Variants in COL4A5 observed in about 807,000 individuals in gnomAD.
The protein encoded by COL4A5 is collagen type IV alpha 5 chain, also known as collagen alpha-5(IV) chain.
A neutral mutation model predicts 130.2 loss-of-function variants in COL4A5; 26 were observed. The observed-to-expected ratio is 0.20, with a 90% CI of 0.15 to 0.28. The LOEUF is 0.28. COL4A5 is among the 10% of genes least tolerant of loss of function. The probability of loss-of-function intolerance (pLI) is 1.00; values close to 1 mark genes in which losing one functional copy is unlikely to be tolerated. For missense variants in COL4A5, 1,131 were observed against 1,344.3 expected, an observed-to-expected ratio of 0.84 and a Z score of 2.48; for synonymous variants, 496 against 439.6, an observed-to-expected ratio of 1.13 and a Z score of -1.60.
chrX:108,664,051 G>T (rs1178771025), intron 37 of COL4A5, among the ~76,000 whole-genome samples: 2 of 111,420 alleles, frequency 1.8e-5, no homozygotes, highest in African/African-American at 6.6e-5. Context: ...CGGGCATGGT[G>T]GCATGCACCT....
intron 1 of COL4A5, among the ~76,000 whole-genome samples, chrX:108,457,796 T>G (rs960833457): frequency 8.9e-6 from 1 of 112,107 alleles, no homozygotes; most frequent in Admixed American, 9.5e-5. Flanking sequence ...AATTTTACCT[T>G]TTTTATAAAT....
At chrX:108,489,361 AT>A (rs1204347236) in intron 1 of COL4A5, among the ~76,000 whole-genome samples, 2 of 111,318 alleles carry the variant, frequency 1.8e-5, no homozygotes. Flanking sequence ...GTCATTATTT[AT>A]TTATGTGTCT....
At chrX:108,631,976 T>G (rs1185549761) in intron 36 of COL4A5, among the ~76,000 whole-genome samples, 1 of 110,251 alleles carries the variant, frequency 9.1e-6, no homozygotes, top group East Asian at 2.9e-4. Context: ...ATAACTAAGA[T>G]CAGAGCAGAA....
At chrX:108,611,182 TTAA>T (rs1460518600) in intron 29 of COL4A5, among the ~76,000 whole-genome samples, 2 of 111,072 alleles carry the variant, frequency 1.8e-5, no homozygotes, top group Non-Finnish European at 3.8e-5. Context: ...CAATAATAAA[TTAA>T]TAAGGCTAAT....
chrX:108,581,371 C>A (rs1169778543), intron 16 of COL4A5, among the ~76,000 whole-genome samples: 1 of 111,202 alleles, frequency 9.0e-6, no homozygotes, highest in Non-Finnish European at 1.9e-5. Flanking sequence ...ATTTGAGGTT[C>A]CTCTATTTTT....
intron 1 of COL4A5, among the ~76,000 whole-genome samples, chrX:108,487,101 TC>T (rs1477292499): frequency 8.9e-6 from 1 of 111,993 alleles, no homozygotes. Flanking sequence ...GTAGAAGTGT[TC>T]CCTTTTCAGC....
At chrX:108,614,841 T>G in intron 29 of COL4A5, 70 bp from the exon 30 acceptor site, 23 of 738,905 alleles carry the variant, frequency 3.1e-5, no homozygotes, top group Middle Eastern at 3.0e-4. Flanking sequence ...TTGCTTAATA[T>G]GATATGGTTC....
intron 1 of COL4A5, among the ~76,000 whole-genome samples, chrX:108,465,503 C>A (rs1165868493): frequency 9.0e-6 from 1 of 111,650 alleles, no homozygotes; most frequent in East Asian, 2.8e-4. Flanking sequence ...TATACACACA[C>A]GTATATTATA....
chrX:108,621,593 A>C (rs1349900288), intron 31 of COL4A5, among the ~76,000 whole-genome samples: 1 of 111,032 alleles, frequency 9.0e-6, no homozygotes, highest in Non-Finnish European at 1.9e-5. Context: ...CATATGGTTC[A>C]CTGGGGGGCC....
chrX:108,687,982 G>A (rs923875553), intron 49 of COL4A5, among the ~76,000 whole-genome samples: 2 of 112,073 alleles, frequency 1.8e-5, no homozygotes, highest in African/African-American at 6.5e-5. Context: ...GTTATTAAGG[G>A]AACAGTTTCC....
chrX:108,532,095 G>C (rs1211156394), intron 1 of COL4A5, among the ~76,000 whole-genome samples: 2 of 111,524 alleles, frequency 1.8e-5, no homozygotes, highest in Non-Finnish European at 3.8e-5. Context: ...CTCGAGGACA[G>C]CATCACCCTG....
intron 30 of COL4A5, among the ~76,000 whole-genome samples, chrX:108,616,176 T>G (rs2066922792): frequency 9.0e-6 from 1 of 110,959 alleles, no homozygotes; most frequent in African/African-American, 3.3e-5. Flanking sequence ...AGCAGAGGGA[T>G]CTTCAGGAAA....
chrX:108,583,881 A>T (rs763125880), intron 17 of COL4A5, among the ~76,000 whole-genome samples: 1 of 109,752 alleles, frequency 9.1e-6, no homozygotes, highest in South Asian at 3.9e-4. Flanking sequence ...TGTAGCTACT[A>T]ATCAAGGATA....
intron 1 of COL4A5, among the ~76,000 whole-genome samples, chrX:108,491,460 T>C (rs1261038170): frequency 2.7e-5 from 3 of 112,125 alleles, no homozygotes; most frequent in African/African-American, 9.7e-5. Context: ...CCAGCAAATA[T>C]GGCAGAGTAG....
chrX:108,552,530 C>G (rs1432229880), intron 2 of COL4A5, among the ~76,000 whole-genome samples: 3 of 111,457 alleles, frequency 2.7e-5, no homozygotes, highest in African/African-American at 9.8e-5. Flanking sequence ...ATAATAGTGC[C>G]ATTTAAAATA....
At chrX:108,511,099 AT>A (rs1168497453) in intron 1 of COL4A5, among the ~76,000 whole-genome samples, 1 of 111,741 alleles carries the variant, frequency 8.9e-6, no homozygotes, top group African/African-American at 3.2e-5. Flanking sequence ...AGATTCACCA[AT>A]TTTTAATATT....
intron 29 of COL4A5, among the ~76,000 whole-genome samples, chrX:108,613,802 A>T (rs2066878541): frequency 8.9e-6 from 1 of 111,993 alleles, no homozygotes; most frequent in Non-Finnish European, 1.9e-5. Flanking sequence ...GCTGCTAAGG[A>T]TGCAGAGTAA....
At chrX:108,670,806 C>A (rs2068188109) in intron 42 of COL4A5, 1 of 266,195 alleles carries the variant, frequency 3.8e-6, no homozygotes, top group African/African-American at 2.8e-5. Flanking sequence ...CTTTGGGAGG[C>A]CAAGGCGGGT....
At chrX:108,664,881 A>G (rs1380916656) in intron 37 of COL4A5, among the ~76,000 whole-genome samples, 1 of 112,177 alleles carries the variant, frequency 8.9e-6, no homozygotes, top group African/African-American at 3.2e-5. Flanking sequence ...TACCCACCAG[A>G]ATGTCTGTTA....
Sources: gnomAD v4.1 joint callset for allele counts (sites outside exome capture counted in the v4.1 genomes callset) on GRCh38, gnomAD v4.1.1 for gene constraint, MANE v1.5 for transcripts, NCBI Gene and HGNC (gene_info 2026-07-23, HGNC 2026-07-21) for gene names.